DLG3: variants seen among roughly 807,000 people sequenced by gnomAD.
The protein encoded by DLG3 is discs large MAGUK scaffold protein 3.
Under a neutral mutation model 64.1 loss-of-function variants are expected in DLG3, and 1 was observed. That is an observed-to-expected ratio of 0.02 (90% CI 0.01 to 0.07). The LOEUF (loss-of-function observed/expected upper bound fraction) is 0.07, where lower values mean the gene tolerates loss of function less well. Among genes scored for constraint, DLG3 ranks in the 10% least tolerant of loss-of-function variants. The pLI is 1.00. For missense variants in DLG3, 429 were observed against 669.5 expected, an observed-to-expected ratio of 0.64 and a Z score of 3.96; for synonymous variants, 245 against 259.8, an observed-to-expected ratio of 0.94 and a Z score of 0.55.
In DLG3 at chrX:70,505,317, C is replaced by CGTGCT. The variant is rs944963927; in HGVS notation, c.*3058_*3062dup. On this transcript the variant is annotated 3_prime_UTR_variant, in exon 19 of 19. Transcript: ENST00000374360. ...AAGGGAGACACACCCTTAACACTGC[C>CGTGCT]GTGCTGTGCTGTGCCGTGTCCTGAA... 1.8e-5 allele frequency: 2 copies of CGTGCT among 111,876 alleles called. No homozygotes were observed. Among genetic ancestry groups the CGTGCT allele is most frequent in the Non-Finnish European group, 3.8e-5 (2 of 53,169 alleles). The allele number at this position is 111,876 out of a possible 1,213,427, so 9.2% of individuals were successfully genotyped here.
In DLG3 at chrX:70,499,935, G is replaced by C; in HGVS notation, c.2031G>C (p.Val677=). ...EVDGQDYHFV[V]SREQMEKDIQ... ...ATGGACAAGACTACCACTTTGTGGT[G>C]TCCCGAGAACAAATGGAGAAAGATA... is the stretch of plus-strand genomic sequence containing the variant. Residue 677 remains valine, a synonymous_variant, in exon 16 of 19, where the codon GTG becomes GTC. Transcript: ENST00000374360. 1 of 1,210,268 alleles carries C rather than the reference G, an allele frequency of 8.3e-7. No individual in the cohort carries two copies. The highest frequency in any genetic ancestry group is 1.1e-6 in the Non-Finnish European group (1 of 894,556).
At chrX:70,468,902 A>G (rs2086925472) in intron 9 of DLG3, among the ~76,000 whole-genome samples, 1 of 111,973 alleles carries the variant, frequency 8.9e-6, no homozygotes, top group Non-Finnish European at 1.9e-5. Flanking sequence ...TCATAAAATC[A>G]TAATGATGTC....
At chrX:70,469,252 A>G (rs188179255) in intron 9 of DLG3, among the ~76,000 whole-genome samples, 17 of 110,764 alleles carry the variant, frequency 1.5e-4, no homozygotes, top group African/African-American at 3.9e-4. Flanking sequence ...GCCTCAAGCA[A>G]TCCTCACACC....
At chrX:70,464,224 CCTTTCT>C (rs1416724207) in intron 9 of DLG3, among the ~76,000 whole-genome samples, 19 of 98,630 alleles carry the variant, frequency 1.9e-4, no homozygotes, top group Non-Finnish European at 6.1e-5. Flanking sequence ...CCTTTCCTTT[CCTTTCT>C]CTTTCCTTTC....
chrX:70,476,989 C>T lies in DLG3; in HGVS notation c.1406-2161C>T, dbSNP rs145338977. Reference sequence around the variant, plus strand: ...TAGCAGCACATGTAAAAACAAAAAGCGTATGCCTTAGAGCAATAGCTTTGT... The same window carrying T: ...TAGCAGCACATGTAAAAACAAAAAGTGTATGCCTTAGAGCAATAGCTTTGT... On this transcript the variant is annotated intron_variant, in intron 9 of 18. Transcript: ENST00000374360. Among the ~76,000 whole-genome samples the T allele has an allele frequency of 9.4e-3, 1,057 of 112,976 alleles. 11 individuals carry two copies. Among genetic ancestry groups the T allele is most frequent in the African/African-American group, 0.033 (1,026 of 31,162 alleles).
intron 12 of DLG3, among the ~76,000 whole-genome samples, chrX:70,493,950 C>A (rs1326035437): frequency 8.9e-6 from 1 of 112,537 alleles, no homozygotes. Context: ...TTCCCAGGAT[C>A]CCTGGAGTTG....
chrX:70,462,377 G>A (rs1201560156), intron 9 of DLG3, among the ~76,000 whole-genome samples: 3 of 105,183 alleles, frequency 2.9e-5, no homozygotes, highest in Admixed American at 1.0e-4. Context: ...AGCCTCCTGA[G>A]TAGCTGGGAC....
chrX:70,472,744 C>A (rs972651839), intron 9 of DLG3, among the ~76,000 whole-genome samples: 9 of 111,968 alleles, frequency 8.0e-5, no homozygotes, highest in African/African-American at 2.9e-4. Flanking sequence ...AGATATAAGA[C>A]ACTTCACTTA....
At chrX:70,481,855 A>G (rs2087160403) in intron 10 of DLG3, among the ~76,000 whole-genome samples, 2 of 111,710 alleles carry the variant, frequency 1.8e-5, no homozygotes, top group African/African-American at 6.5e-5. Flanking sequence ...ACCATTCCTT[A>G]ATACCTTTCA....
At chrX:70,491,401 C>G (rs1170201340) in intron 10 of DLG3, among the ~76,000 whole-genome samples, 1 of 112,656 alleles carries the variant, frequency 8.9e-6, no homozygotes, top group East Asian at 2.8e-4. Flanking sequence ...CCACCTTCTC[C>G]CACCTTCCCT....
rs184975444 is a variant in DLG3 at position 70,453,368 on chromosome X, A to T, written c.1146-269A>T. ...TTGGTCTCTGGAGTTCAGGGTAGGG[A>T]TTTGTTCACCCGAGAGAGTAGGGGA... is the stretch of plus-strand genomic sequence containing the variant. On this transcript the variant is annotated intron_variant, in intron 7 of 18. Transcript: ENST00000374360. 1,226 of 323,600 alleles carry T rather than the reference A, an allele frequency of 3.8e-3. 1 individual carries two copies. The highest frequency in any genetic ancestry group is 0.013 in the Middle Eastern group (15 of 1,147). 26.7% of individuals were successfully genotyped at this position (323,600 alleles called of 1,213,427 possible).
chrX:70,464,245 CTCTT>C lies in DLG3; in HGVS notation c.1405+9932_1405+9935del, dbSNP rs1453963928. Among the ~76,000 whole-genome samples, 4 of 99,525 alleles carry C rather than the reference CTCTT, an allele frequency of 4.0e-5. No individual in the cohort carries two copies. In the Admixed American group the frequency reaches 4.6e-4, roughly 11 times the overall value. The allele number at this position is 99,525 out of a possible 115,157, so 86.4% of individuals were successfully genotyped here. On this transcript the variant is annotated intron_variant, in intron 9 of 18. Coordinates refer to ENST00000374360, the MANE Select transcript of DLG3 (RefSeq NM_021120.4). ...CTTTCCTTTCTCTTTCCTTTCCTTT[CTCTT>C]TCCTTTCCTTTCCTTTCTCTTTCCT...
intron 9 of DLG3, among the ~76,000 whole-genome samples, chrX:70,478,452 G>T (rs1043641985): frequency 5.4e-5 from 6 of 111,490 alleles, no homozygotes; most frequent in Admixed American, 9.5e-5. Context: ...GAGGTGAGAG[G>T]TGTCAGCCGA....
intron 9 of DLG3, among the ~76,000 whole-genome samples, chrX:70,467,053 AC>A (rs1456306854): frequency 9.0e-6 from 1 of 111,041 alleles, no homozygotes; most frequent in Non-Finnish European, 1.9e-5. Flanking sequence ...GCTAAGGACC[AC>A]AGGCACATGC....
Position 70,445,441 on chromosome X carries a change from G to C in DLG3, c.240G>C (p.Arg80=). ...RTKAKLIPTG[R]DVGPVPPKPV... is the part of the protein sequence containing the mutation. ...AGGCCAAGCTCATCCCCACCGGCCG[G>C]GATGTGGGGCCGGTGCCTCCTAAGC... The change falls in exon 1 of 19, where the codon CGG becomes CGC. Residue 80 remains arginine, a synonymous_variant. Coordinates refer to ENST00000374360, the MANE Select transcript of DLG3 (RefSeq NM_021120.4). The C allele has an allele frequency of 8.3e-7, 1 of 1,201,926 alleles. No individual in the cohort carries two copies.
At chrX:70,498,985 C>G (rs1385663405) in intron 14 of DLG3, among the ~76,000 whole-genome samples, 191 bp from the exon 15 acceptor site, 1 of 112,026 alleles carries the variant, frequency 8.9e-6, no homozygotes, top group Non-Finnish European at 1.9e-5. Context: ...TTCAGACTTG[C>G]CTTGAACTTA....
intron 17 of DLG3, 119 bp from the exon 18 acceptor site, chrX:70,500,779 G>A (rs2087541734): frequency 2.7e-6 from 2 of 750,185 alleles, no homozygotes; most frequent in Non-Finnish European, 4.0e-6. Flanking sequence ...AGTTAGCTAC[G>A]GGCCACTGCT....
intron 1 of DLG3, 52 bp from the exon 2 acceptor site, chrX:70,448,861 G>A: frequency 8.4e-7 from 1 of 1,188,567 alleles, no homozygotes; most frequent in Non-Finnish European, 1.1e-6. Context: ...CTAAGGGGCA[G>A]ATGGCTGGAA....
intron 10 of DLG3, among the ~76,000 whole-genome samples, chrX:70,482,526 ACTAT>A (rs1289241399): frequency 9.0e-6 from 1 of 110,978 alleles, no homozygotes; most frequent in Non-Finnish European, 1.9e-5. Context: ...GGTTGCTCTG[ACTAT>A]AAAGTGTGGT....
Sources: gnomAD v4.1 joint callset for allele counts (sites outside exome capture counted in the v4.1 genomes callset) on GRCh38, gnomAD v4.1.1 for gene constraint, MANE v1.5 for transcripts, NCBI Gene and HGNC (gene_info 2026-07-23, HGNC 2026-07-21) for gene names.